Variants in RBFOX1 observed in about 807,000 individuals in gnomAD.
The protein encoded by RBFOX1 is RNA binding protein fox-1 homolog 1.
A neutral mutation model predicts 57.7 loss-of-function variants in RBFOX1; 8 were observed. That is an observed-to-expected ratio of 0.14 (90% CI 0.08 to 0.25). The LOEUF (loss-of-function observed/expected upper bound fraction) is 0.25, where lower values mean the gene tolerates loss of function less well. RBFOX1 is among the 10% of genes least tolerant of loss of function. RBFOX1 has a pLI of 1.00. For missense variants in RBFOX1, 611 were observed against 548.5 expected (o/e 1.11, Z -1.14); for synonymous variants, 326 against 222.4 (o/e 1.47, Z -4.15).
chr16:6,979,212 G>C (rs1259927386), intron 3 of RBFOX1, among the ~76,000 whole-genome samples: 1 of 152,134 alleles, frequency 6.6e-6, no homozygotes, highest in Non-Finnish European at 1.5e-5. Flanking sequence ...CCAAGTCTCA[G>C]TTTTCCCACC....
intron 3 of RBFOX1, among the ~76,000 whole-genome samples, chr16:7,020,373 C>A (rs1439257781): frequency 6.6e-6 from 1 of 151,902 alleles, no homozygotes. Context: ...TTACAGGCTG[C>A]CATGCCCAGC....
chr16:6,071,753 G>A (rs994414753), intron 1 of RBFOX1, among the ~76,000 whole-genome samples: 36 of 152,172 alleles, frequency 2.4e-4, no homozygotes, highest in African/African-American at 7.9e-4. Context: ...TCCCCTCCCC[G>A]TGGCTCCTGG....
At chr16:6,391,782 G>A (rs955080161) in intron 2 of RBFOX1, among the ~76,000 whole-genome samples, 3 of 152,134 alleles carry the variant, frequency 2.0e-5, no homozygotes, top group Non-Finnish European at 1.5e-5. Flanking sequence ...ACAATTCTTA[G>A]ATTTTTAAAT....
intron 3 of RBFOX1, among the ~76,000 whole-genome samples, chr16:5,715,629 G>C (rs537896425): frequency 6.6e-6 from 1 of 152,234 alleles, no homozygotes; most frequent in South Asian, 2.1e-4. Flanking sequence ...AATAATCTCC[G>C]TGCTGTCTCT....
intron 4 of RBFOX1, among the ~76,000 whole-genome samples, chr16:7,516,556 A>G (rs1330027514): frequency 6.6e-6 from 1 of 152,166 alleles, no homozygotes; most frequent in African/African-American, 2.4e-5. Flanking sequence ...CTGCTCATGG[A>G]TAGCAACTCA....
At chr16:7,224,317 G>A (rs1340703722) in intron 4 of RBFOX1, among the ~76,000 whole-genome samples, 1 of 152,092 alleles carries the variant, frequency 6.6e-6, no homozygotes, top group East Asian at 1.9e-4. Flanking sequence ...AAGTGTAGCA[G>A]GTTTCATATC....
intron 3 of RBFOX1, among the ~76,000 whole-genome samples, chr16:6,688,003 C>T (rs1013347759): frequency 3.3e-5 from 5 of 152,202 alleles, no homozygotes; most frequent in Non-Finnish European, 5.9e-5. Flanking sequence ...ATCTTCTATG[C>T]CAAGCACTGT....
chr16:7,040,709 C>G (rs9924440), intron 3 of RBFOX1, among the ~76,000 whole-genome samples: 2 of 152,114 alleles, frequency 1.3e-5, no homozygotes, highest in East Asian at 1.9e-4. Flanking sequence ...TTTTTATACA[C>G]AAATGGATTA....
chr16:6,964,785 G>C (rs929098802), intron 3 of RBFOX1, among the ~76,000 whole-genome samples: 2 of 152,186 alleles, frequency 1.3e-5, no homozygotes, highest in Non-Finnish European at 2.9e-5. Flanking sequence ...CAGCAGGGCT[G>C]TTTGAAAAGC....
At chr16:6,577,070 A>G (rs1465775873) in intron 2 of RBFOX1, 1 of 152,168 alleles carries the variant, frequency 6.6e-6, no homozygotes, top group African/African-American at 2.4e-5. Flanking sequence ...GGGATGCTCC[A>G]AACTTCTTTA....
intron 2 of RBFOX1, among the ~76,000 whole-genome samples, chr16:6,593,452 G>T (rs540552998): frequency 5.9e-5 from 9 of 152,202 alleles, no homozygotes; most frequent in African/African-American, 2.2e-4. Flanking sequence ...TTTGGTGATC[G>T]CCTCTTTTTG....
At chr16:5,452,767 C>T (rs2068467145) in intron 1 of RBFOX1, among the ~76,000 whole-genome samples, 1 of 152,032 alleles carries the variant, frequency 6.6e-6, no homozygotes, top group African/African-American at 2.4e-5. Flanking sequence ...CCTCAGCCTC[C>T]TGAATAGCTT....
At chr16:6,585,962 C>T (rs1377317490) in intron 2 of RBFOX1, among the ~76,000 whole-genome samples, 1 of 152,162 alleles carries the variant, frequency 6.6e-6, no homozygotes, top group Admixed American at 6.5e-5. Context: ...CTTTAAACAA[C>T]AGTTTTAAAC....
chr16:6,400,826 C>G (rs1202851730), intron 2 of RBFOX1, among the ~76,000 whole-genome samples: 1 of 152,126 alleles, frequency 6.6e-6, no homozygotes, highest in East Asian at 1.9e-4. Context: ...ACCCAGGAGG[C>G]AGAGGTTGCA....
At chr16:6,136,286 C>T (rs1331462273) in intron 1 of RBFOX1, among the ~76,000 whole-genome samples, 1 of 152,124 alleles carries the variant, frequency 6.6e-6, no homozygotes, top group Non-Finnish European at 1.5e-5. Context: ...ATGCTGGCTC[C>T]CCTTGGTTTA....
At chr16:7,372,324 C>T (rs904384544) in intron 4 of RBFOX1, among the ~76,000 whole-genome samples, 7 of 152,178 alleles carry the variant, frequency 4.6e-5, no homozygotes, top group Non-Finnish European at 8.8e-5. Flanking sequence ...CTAAAGGACA[C>T]AGTGTTCACC....
chr16:6,268,434 G>T (rs1240751546), intron 1 of RBFOX1, among the ~76,000 whole-genome samples: 1 of 152,170 alleles, frequency 6.6e-6, no homozygotes, highest in Non-Finnish European at 1.5e-5. Flanking sequence ...CAAGATAGCT[G>T]TGTTCAAGCA....
At chr16:7,595,087 G>A (rs2152944981) in intron 7 of RBFOX1, among the ~76,000 whole-genome samples, 1 of 152,314 alleles carries the variant, frequency 6.6e-6, no homozygotes. Flanking sequence ...CACACGGCAT[G>A]ACTCTGTAGG....
Position 7,703,468 on chromosome 16 carries a change from T to A in RBFOX1, c.996-5588T>A, listed in dbSNP as rs147315925. Among the ~76,000 whole-genome samples the A allele has an allele frequency of 6.3e-3, 959 of 152,232 alleles. 8 individuals carry two copies. Among genetic ancestry groups the A allele is most frequent in the African/African-American group, 0.022 (894 of 41,520 alleles). ...CCAGCTATCTCTGGGGTGAGAAGCA[T>A]GGGGAGATGATACTAATGGAAGAAT... On this transcript the variant is annotated intron_variant, in intron 14 of 15. Coordinates refer to ENST00000550418, the MANE Select transcript of RBFOX1 (RefSeq NM_018723.4).
Sources: allele counts gnomAD v4.1 joint callset (sites outside exome capture counted in the v4.1 genomes callset), GRCh38; gene constraint gnomAD v4.1.1; transcripts MANE v1.5; gene names NCBI Gene and HGNC (gene_info 2026-07-23, HGNC 2026-07-21).